Variants in MGST1 observed in about 807,000 individuals in gnomAD.
The protein encoded by MGST1 is microsomal glutathione S-transferase 1, also known as glutathione S-transferase 12.
In MGST1, 5 loss-of-function variants were observed where a neutral mutation model predicts 8.9. The ratio of observed to expected loss-of-function variants is 0.56; its 90% CI spans 0.29 to 1.19. MGST1 has a LOEUF of 1.19. Ranked by LOEUF, MGST1 falls within the 50% of genes most tolerant of loss-of-function variation. MGST1 has a pLI of 0.08. For missense variants in MGST1, 182 were observed against 187.4 expected, an observed-to-expected ratio of 0.97 and a Z score of 0.17; for synonymous variants, 54 against 67.8, an observed-to-expected ratio of 0.80 and a Z score of 1.00.
At chr12:16,465,948 C>A (rs765779002) in intron 4 of MGST1, among the ~76,000 whole-genome samples, 11 of 152,092 alleles carry the variant, frequency 7.2e-5, no homozygotes, top group Admixed American at 2.0e-4. Flanking sequence ...CCCTTTGGCC[C>A]TTTTTTCTTT....
downstream of MGST1, among the ~76,000 whole-genome samples, chr12:16,366,660 CACACAT>C (rs1368910129): frequency 0.019 from 565 of 30,476 alleles, 5 homozygotes; most frequent in East Asian, 0.077. This position sits in a 1 kb window ranked among gnomAD's most constrained non-coding sequence, Gnocchi z 4.0. Flanking sequence ...CACACACACA[CACACAT>C]ACACACACAC....
At chr12:16,579,680 C>G (rs528976963) in intron 4 of MGST1, among the ~76,000 whole-genome samples, 1 of 152,184 alleles carries the variant, frequency 6.6e-6, no homozygotes, top group African/African-American at 2.4e-5. Context: ...CTCAACCCCA[C>G]CTAGCCTACT....
At chr12:16,480,172 T>C (rs2137143834) in intron 4 of MGST1, among the ~76,000 whole-genome samples, 1 of 147,434 alleles carries the variant, frequency 6.8e-6, no homozygotes, top group Non-Finnish European at 1.5e-5. Flanking sequence ...AGACGGAGTC[T>C]CACCCTATCA....
At chr12:16,540,520 C>T (rs985543663) in intron 4 of MGST1, among the ~76,000 whole-genome samples, 1 of 152,180 alleles carries the variant, frequency 6.6e-6, no homozygotes, top group Non-Finnish European at 1.5e-5. Flanking sequence ...TGAGATGATG[C>T]TTTGGAAGTT....
intron 1 of MGST1, among the ~76,000 whole-genome samples, chr12:16,403,509 G>A (rs1042621843): frequency 1.3e-5 from 2 of 152,016 alleles, no homozygotes; most frequent in Non-Finnish European, 2.9e-5. Context: ...TGTTCTGTAT[G>A]TATTAGATTG....
intron 4 of MGST1, among the ~76,000 whole-genome samples, chr12:16,529,569 G>T (rs986951904): frequency 1.3e-5 from 2 of 151,942 alleles, no homozygotes; most frequent in South Asian, 2.1e-4. Context: ...TCAGGCAGGG[G>T]TCACATCTTC....
In MGST1 at chr12:16,407,108, A is replaced by G. The variant is rs138883675; in HGVS notation, n.778+23504A>G. On this transcript the variant is annotated intron_variant and non_coding_transcript_variant, in intron 1 of 1. Transcript: ENST00000359720. ...TTCTGCACAGTGAAAGAAACTATCA[A>G]CAGAGTGAAGAGACGAGACAACCTA... 1.6e-4 allele frequency among the ~76,000 whole-genome samples: 24 copies of G among 152,326 alleles called. 1 individual carries two copies. Among genetic ancestry groups the G allele is most frequent in the Non-Finnish European group, 2.8e-4 (19 of 68,026 alleles).
At chr12:16,418,482 A>C (rs535822297) in intron 1 of MGST1, among the ~76,000 whole-genome samples, 1 of 152,336 alleles carries the variant, frequency 6.6e-6, no homozygotes, top group East Asian at 1.9e-4. Flanking sequence ...TATAATGCTC[A>C]TTATTCTCTG....
At chr12:16,429,820 G>T (rs1296306476) in intron 1 of MGST1, among the ~76,000 whole-genome samples, 2 of 152,098 alleles carry the variant, frequency 1.3e-5, no homozygotes, top group African/African-American at 4.8e-5. Context: ...ACTTATCAGG[G>T]TGGTGGTTGT....
At chr12:16,358,779 C>CTTTTTTTTTTT (rs35081887) in intron 3 of MGST1, among the ~76,000 whole-genome samples, 608 of 57,570 alleles carry the variant, frequency 0.011, 33 homozygotes, top group East Asian at 0.021. Flanking sequence ...AAATTCATTC[C>CTTTTTTTTTTT]TTTTTTTTTT....
intron 4 of MGST1, among the ~76,000 whole-genome samples, chr12:16,524,636 C>T (rs571003599): frequency 1.3e-5 from 2 of 152,170 alleles, no homozygotes; most frequent in Admixed American, 6.5e-5. Flanking sequence ...GTTGCATATT[C>T]ATAAAATAGT....
At chr12:16,545,859 A>C (rs1465283945) in intron 4 of MGST1, among the ~76,000 whole-genome samples, 1 of 152,090 alleles carries the variant, frequency 6.6e-6, no homozygotes, top group East Asian at 1.9e-4. Context: ...TCAAGCATAA[A>C]TAACTCCTAG....
chr12:16,558,588 T>C (rs1472745115), intron 4 of MGST1, among the ~76,000 whole-genome samples: 1 of 152,142 alleles, frequency 6.6e-6, no homozygotes, highest in Non-Finnish European at 1.5e-5. Flanking sequence ...TTTATTTTCG[T>C]CTAAATGTTA....
Position 16,361,435 on chromosome 12 carries a change from G to C in MGST1, c.222-2360G>C, listed in dbSNP as rs1392459176. ...AGGGCATGTGTGTCCAAAGGAGAAA[G>C]AAGAATGGGAAAATGTAATCATGGG... On this transcript the variant is annotated intron_variant, in intron 3 of 3. Transcript: ENST00000396210. This position sits in a 1 kb window ranked among gnomAD's most constrained non-coding sequence, Gnocchi z 4.2. Among the ~76,000 whole-genome samples the C allele has an allele frequency of 4.6e-5, 7 of 152,230 alleles. No homozygotes were observed. Among genetic ancestry groups the C allele is most frequent in the Non-Finnish European group, 8.8e-5 (6 of 68,036 alleles).
At chr12:16,581,236 G>A (rs990160802) in intron 4 of MGST1, among the ~76,000 whole-genome samples, 3 of 152,170 alleles carry the variant, frequency 2.0e-5, no homozygotes, top group Non-Finnish European at 4.4e-5. Context: ...CTAGAGTACA[G>A]CTCATAAGGA....
Position 16,576,101 on chromosome 12 carries a change from C to T in MGST1, n.483-13427C>T, listed in dbSNP as rs971845217. On this transcript the variant is annotated intron_variant and non_coding_transcript_variant, in intron 4 of 4. Coordinates refer to the MGST1 transcript ENST00000538857. The surrounding 1 kb of genome is among the most constrained non-coding windows in gnomAD (Gnocchi z 4.1). ...GCGCGCATCGCTTCTCCCTTGCACT[C>T]ATACTACAACCTCCCAGCTGAACAT... Among the ~76,000 whole-genome samples, 2 of 152,186 alleles carry T rather than the reference C, an allele frequency of 1.3e-5. No homozygotes were observed. Among genetic ancestry groups the T allele is most frequent in the African/African-American group, 2.4e-5 (1 of 41,442 alleles).
chr12:16,489,329 A>G (rs1036431260), intron 4 of MGST1, among the ~76,000 whole-genome samples: 9 of 152,026 alleles, frequency 5.9e-5, no homozygotes, highest in Non-Finnish European at 1.2e-4. Context: ...GCTGAAGTTC[A>G]GCAAGTTGGA....
chr12:16,427,904 T>C (rs1425919838), intron 1 of MGST1, among the ~76,000 whole-genome samples: 2 of 152,136 alleles, frequency 1.3e-5, no homozygotes, highest in Admixed American at 1.3e-4. Context: ...TATTTTAATT[T>C]ATTACTTCTT....
chr12:16,507,424 T>C (rs1482692409), intron 4 of MGST1, among the ~76,000 whole-genome samples: 2 of 151,956 alleles, frequency 1.3e-5, no homozygotes, highest in African/African-American at 4.8e-5. Flanking sequence ...TTAGTGAGAC[T>C]GAAGAGGAAA....
Sources: gnomAD v4.1 joint callset for allele counts (sites outside exome capture counted in the v4.1 genomes callset) on GRCh38, gnomAD v4.1.1 for gene constraint, Gnocchi (gnomAD v3.1) non-coding constraint, MANE v1.5 for transcripts, NCBI Gene and HGNC (gene_info 2026-07-23, HGNC 2026-07-21) for gene names.